Variants in CDS1 observed in about 807,000 individuals in gnomAD.
CDS1 encodes CDP-diacylglycerol synthase 1.
A neutral mutation model predicts 62.1 loss-of-function variants in CDS1; 41 were observed. That is an observed-to-expected ratio of 0.66 (90% CI 0.51 to 0.86). The LOEUF (loss-of-function observed/expected upper bound fraction) is 0.86. Ranked by LOEUF, CDS1 falls within the 40% of genes least tolerant of loss-of-function variation. The pLI, the probability that CDS1 is intolerant of heterozygous loss-of-function variation, is 0.00. For missense variants in CDS1, 470 were observed against 550.1 expected (o/e 0.85, Z 1.46); for synonymous variants, 185 against 192.6 (o/e 0.96, Z 0.32).
At position 84,649,993 on chromosome 4, in the gene CDS1, T is replaced by C. The variant is rs893016609; in HGVS notation, c.*1307T>C. ...CAGCCATATTTATTGTATTAAACAA[T>C]CAGCACTAAACCTTCAAAAATTGCC... On this transcript the variant is annotated 3_prime_UTR_variant, in exon 13 of 13. Transcript: ENST00000295887. 1 of 152,222 alleles carries C rather than the reference T, an allele frequency of 6.6e-6. No individual in the cohort carries two copies. The highest frequency in any genetic ancestry group is 2.4e-5 in the African/African-American group (1 of 41,454). 9.4% of individuals were successfully genotyped at this position (152,222 alleles called of 1,614,324 possible). A position where few individuals can be genotyped will look rare whatever the true frequency, so the allele number is the denominator to read the frequency against.
At chr4:84,613,751 G>A (rs1377514928) in intron 3 of CDS1, among the ~76,000 whole-genome samples, 1 of 152,104 alleles carries the variant, frequency 6.6e-6, no homozygotes, top group African/African-American at 2.4e-5. Context: ...AAGTGATGGA[G>A]TTACTAAAGC....
chr4:84,594,421 C>T (rs899116685), intron 1 of CDS1, among the ~76,000 whole-genome samples: 4 of 152,094 alleles, frequency 2.6e-5, no homozygotes, highest in African/African-American at 9.7e-5. Context: ...TATACAAATA[C>T]TTTACTAATG....
At chr4:84,610,855 A>G (rs942742981) in intron 3 of CDS1, among the ~76,000 whole-genome samples, 1 of 152,256 alleles carries the variant, frequency 6.6e-6, no homozygotes, top group Admixed American at 6.5e-5. Context: ...CATACCATCT[A>G]GGTTTTGTAA....
At chr4:84,633,396 G>A (rs1343587921) in intron 6 of CDS1, among the ~76,000 whole-genome samples, 1 of 152,166 alleles carries the variant, frequency 6.6e-6, no homozygotes, top group Non-Finnish European at 1.5e-5. Flanking sequence ...TGAATCATTT[G>A]AAGTTGGAAA....
intron 4 of CDS1, 76 bp from the exon 5 acceptor site, chr4:84,619,318 G>A: frequency 1.4e-6 from 1 of 722,606 alleles, no homozygotes; most frequent in South Asian, 3.7e-5. Flanking sequence ...TCATCAGAAT[G>A]TAGAAAATAA....
chr4:84,598,681 C>T (rs964279600), intron 1 of CDS1, among the ~76,000 whole-genome samples: 6 of 151,960 alleles, frequency 3.9e-5, no homozygotes, highest in African/African-American at 1.2e-4. Context: ...CTATGTTGCC[C>T]AGGGTGGTTT....
chr4:84,620,229 T>G (rs969909974), intron 5 of CDS1, among the ~76,000 whole-genome samples: 3 of 142,014 alleles, frequency 2.1e-5, no homozygotes, highest in Non-Finnish European at 4.6e-5. Context: ...GTTTTTTTTT[T>G]TTTTTTTTTT....
At chr4:84,638,570 C>T (rs973200878) in intron 8 of CDS1, among the ~76,000 whole-genome samples, 1 of 151,900 alleles carries the variant, frequency 6.6e-6, no homozygotes, top group Non-Finnish European at 1.5e-5. Context: ...GAACTTACAC[C>T]AACTATTATC....
chr4:84,640,399 T>A (rs1383590735), intron 9 of CDS1, among the ~76,000 whole-genome samples: 1 of 151,982 alleles, frequency 6.6e-6, no homozygotes, highest in African/African-American at 2.4e-5. Flanking sequence ...ATTGCAATGG[T>A]GTGGCCAGGG....
intron 1 of CDS1, among the ~76,000 whole-genome samples, chr4:84,594,356 G>C (rs1722684713): frequency 6.6e-6 from 1 of 152,250 alleles, no homozygotes; most frequent in Admixed American, 6.5e-5. Context: ...AGGCTGTCTT[G>C]TTATGCGGAT....
chr4:84,603,508 C>G (rs1389515380), intron 1 of CDS1, among the ~76,000 whole-genome samples: 1 of 152,170 alleles, frequency 6.6e-6, no homozygotes, highest in African/African-American at 2.4e-5. Context: ...AACTTTAAAA[C>G]TGAGCATTAG....
At chr4:84,599,703 A>T (rs1023220844) in intron 1 of CDS1, among the ~76,000 whole-genome samples, 2 of 151,984 alleles carry the variant, frequency 1.3e-5, no homozygotes, top group African/African-American at 4.8e-5. Context: ...TTTGAGATTC[A>T]TCCATGTATC....
intron 3 of CDS1, among the ~76,000 whole-genome samples, chr4:84,616,241 C>A (rs1202699674): frequency 1.3e-5 from 2 of 152,160 alleles, no homozygotes; most frequent in African/African-American, 4.8e-5. Flanking sequence ...CTTAGATTTC[C>A]TCCTGTCTTT....
At chr4:84,629,385 GT>G (rs1292403008) in intron 5 of CDS1, among the ~76,000 whole-genome samples, 1 of 151,312 alleles carries the variant, frequency 6.6e-6, no homozygotes, top group African/African-American at 2.4e-5. Context: ...ACAATGGATG[GT>G]TGTGTCTTTA....
intron 5 of CDS1, among the ~76,000 whole-genome samples, chr4:84,630,737 C>T (rs1723993781): frequency 6.6e-6 from 1 of 151,842 alleles, no homozygotes. Context: ...GCCAGGAGTT[C>T]AAGGCTGCAG....
At position 84,583,299 on chromosome 4, in the gene CDS1, G is replaced by A. The variant is rs899884301; in HGVS notation, c.-103G>A. 15 of 785,000 alleles carry A rather than the reference G, an allele frequency of 1.9e-5. No individual in the cohort carries two copies. The highest frequency in any genetic ancestry group is 4.1e-6 in the Non-Finnish European group (2 of 488,132). 48.6% of individuals were successfully genotyped at this position (785,000 alleles called of 1,614,324 possible). A position where few individuals can be genotyped will look rare whatever the true frequency, so the allele number is the denominator to read the frequency against. On this transcript the variant is annotated 5_prime_UTR_variant, in exon 1 of 13. Coordinates refer to ENST00000295887, the MANE Select transcript of CDS1 (RefSeq NM_001263.4). ...TGGCTGCGGCTCCGCGGGACTCCAG[G>A]GCGCGGCTGCGAGGTGGCGGGGCGC...
At chr4:84,636,766 C>G (rs912833092) in intron 8 of CDS1, among the ~76,000 whole-genome samples, 5 of 152,152 alleles carry the variant, frequency 3.3e-5, no homozygotes, top group African/African-American at 9.7e-5. Context: ...CTCGAATGAT[C>G]TACCTACCTC....
chr4:84,648,719 G>A lies in CDS1; in HGVS notation c.*33G>A. ...CAGAGAGGGAAGGACTGACAAGAAG[G>A]AATTATTCAGAAAAACACTGACAGA... On this transcript the variant is annotated 3_prime_UTR_variant, in exon 13 of 13. Coordinates refer to ENST00000295887, the MANE Select transcript of CDS1 (RefSeq NM_001263.4). The A allele has an allele frequency of 6.4e-7, 1 of 1,574,800 alleles. No homozygotes were observed. Among genetic ancestry groups the A allele is most frequent in the Non-Finnish European group, 8.6e-7 (1 of 1,160,188 alleles).
chr4:84,606,014 A>G (rs1041683852), intron 2 of CDS1, among the ~76,000 whole-genome samples: 3 of 152,164 alleles, frequency 2.0e-5, no homozygotes, highest in African/African-American at 7.2e-5. Flanking sequence ...GTTTTAGAAA[A>G]TGAACAATAG....
Sources: gnomAD v4.1 joint callset for allele counts (sites outside exome capture counted in the v4.1 genomes callset) on GRCh38, gnomAD v4.1.1 for gene constraint, MANE v1.5 for transcripts, NCBI Gene and HGNC (gene_info 2026-07-23, HGNC 2026-07-21) for gene names.